The following KLF12 variants were observed in gnomAD, a reference collection of about 807,000 sequenced individuals.
KLF12 encodes KLF transcription factor 12.
KLF12 carries 9 observed loss-of-function variants against 37.8 expected under a neutral mutation model. The ratio of observed to expected loss-of-function variants is 0.24; its 90% CI spans 0.14 to 0.42. The LOEUF (loss-of-function observed/expected upper bound fraction) is 0.42, where lower values mean the gene tolerates loss of function less well. Among genes scored for constraint, KLF12 ranks in the 10% least tolerant of loss-of-function variants. The probability of loss-of-function intolerance (pLI) is 1.00; values close to 1 mark genes in which losing one functional copy is unlikely to be tolerated. For synonymous variants in KLF12, 208 were observed against 202.1 expected (o/e 1.03, Z -0.25); for missense variants, 411 against 516.0 (o/e 0.80, Z 1.97).
At chr13:73,835,299 CGT>C (rs1280580618) in intron 4 of KLF12, among the ~76,000 whole-genome samples, 2 of 152,036 alleles carry the variant, frequency 1.3e-5, no homozygotes, top group African/African-American at 2.4e-5. Flanking sequence ...CTAGAGTTCT[CGT>C]GTCTTTCAGT....
the KLF12 span, among the ~76,000 whole-genome samples, chr13:74,226,039 A>T: frequency 6.6e-6 from 1 of 152,150 alleles, no homozygotes; most frequent in South Asian, 2.1e-4. Context: ...CAGGAGTTTG[A>T]GTTTTGTTTT....
chr13:74,200,142 A>G, the KLF12 span, among the ~76,000 whole-genome samples: 29 of 151,978 alleles, frequency 1.9e-4, no homozygotes, highest in African/African-American at 6.5e-4. Flanking sequence ...GAAGGGAGCT[A>G]GAGAGGAATG....
the KLF12 span, among the ~76,000 whole-genome samples, chr13:74,179,733 GA>G: frequency 6.6e-6 from 1 of 152,198 alleles, no homozygotes; most frequent in African/African-American, 2.4e-5. Flanking sequence ...CAGGTGGCTA[GA>G]AAACCGACAG....
At chr13:73,849,842 T>C (rs1227474278) in intron 3 of KLF12, among the ~76,000 whole-genome samples, 1 of 152,210 alleles carries the variant, frequency 6.6e-6, no homozygotes, top group African/African-American at 2.4e-5. Context: ...GATCTTTGCC[T>C]GGGAGTGGTG....
rs1486177532 is a variant in KLF12, at chr13:73,694,234, C to T, written c.*1256G>A. ...GACCCATTAACCGAAGAGTTAATTC[C>T]CGGCTATGCCTCCCTTGCCTTTCTA... On this transcript the variant is annotated 3_prime_UTR_variant, in exon 8 of 8. Coordinates refer to ENST00000377669, the MANE Select transcript of KLF12 (RefSeq NM_007249.5). 6.6e-6 allele frequency: 1 copy of T among 152,540 alleles called. No individual in the cohort carries two copies. Among genetic ancestry groups the T allele is most frequent in the African/African-American group, 2.4e-5 (1 of 41,418 alleles). The allele number at this position is 152,540 out of a possible 1,614,324, so 9.4% of individuals were successfully genotyped here.
chr13:74,011,138 T>C (rs904905807), intron 1 of KLF12, among the ~76,000 whole-genome samples: 2 of 150,802 alleles, frequency 1.3e-5, no homozygotes, highest in Admixed American at 1.3e-4. Context: ...ATTCATTCAC[T>C]GAATCAACAA....
chr13:73,844,340 T>A (rs1884905004), intron 4 of KLF12, among the ~76,000 whole-genome samples: 1 of 152,196 alleles, frequency 6.6e-6, no homozygotes, highest in African/African-American at 2.4e-5. Context: ...ATCAGAAGTG[T>A]CAGCAATATC....
intron 7 of KLF12, among the ~76,000 whole-genome samples, chr13:73,696,956 T>G (rs951789761): frequency 7.2e-5 from 11 of 152,148 alleles, no homozygotes. Context: ...CCATGAAGAT[T>G]TCGTTTAGAC....
chr13:74,067,217 G>A (rs1873968931), intron 1 of KLF12, among the ~76,000 whole-genome samples: 1 of 151,474 alleles, frequency 6.6e-6, no homozygotes, highest in African/African-American at 2.4e-5. Flanking sequence ...TGAAAATGAA[G>A]TGAGATTTTC....
At chr13:74,212,265 A>G in the KLF12 span, among the ~76,000 whole-genome samples, 1 of 152,208 alleles carries the variant, frequency 6.6e-6, no homozygotes, top group African/African-American at 2.4e-5. Context: ...ATTTAATTAT[A>G]TCATTAAAAC....
the KLF12 span, among the ~76,000 whole-genome samples, chr13:74,292,025 C>T: frequency 1.3e-5 from 2 of 152,166 alleles, no homozygotes; most frequent in African/African-American, 4.8e-5. Flanking sequence ...ACGAGATGCT[C>T]ACTGTGTTAA....
At chr13:74,028,720 A>T (rs1040430207) in intron 1 of KLF12, among the ~76,000 whole-genome samples, 1 of 152,064 alleles carries the variant, frequency 6.6e-6, no homozygotes, top group African/African-American at 2.4e-5. Context: ...TTACATTAGT[A>T]AGATTTTATA....
the KLF12 span, among the ~76,000 whole-genome samples, chr13:74,292,174 A>G: frequency 1.3e-5 from 2 of 152,206 alleles, no homozygotes; most frequent in African/African-American, 4.8e-5. Context: ...AACAAAGTGC[A>G]TGTGAATTTT....
intron 1 of KLF12, among the ~76,000 whole-genome samples, chr13:74,117,084 T>TA (rs892734350): frequency 6.6e-6 from 1 of 152,202 alleles, no homozygotes; most frequent in African/African-American, 2.4e-5. Context: ...ATCAGTTTAT[T>TA]AAAAAAATAA....
At chr13:74,083,171 T>C (rs1334227967) in intron 1 of KLF12, among the ~76,000 whole-genome samples, 2 of 152,178 alleles carry the variant, frequency 1.3e-5, no homozygotes, top group African/African-American at 2.4e-5. Flanking sequence ...ATCTGTCTTA[T>C]AAGGAGTAAT....
chr13:73,989,402 G>A (rs545945315), intron 2 of KLF12, among the ~76,000 whole-genome samples: 1 of 152,310 alleles, frequency 6.6e-6, no homozygotes, highest in East Asian at 1.9e-4. Flanking sequence ...CAGACTAAGT[G>A]AATACAGATC....
chr13:74,112,281 T>C (rs1444316941), intron 1 of KLF12, among the ~76,000 whole-genome samples: 1 of 151,884 alleles, frequency 6.6e-6, no homozygotes, highest in Non-Finnish European at 1.5e-5. Context: ...AATATTACTG[T>C]CTGGCCCTTA....
At chr13:73,789,050 G>A (rs1235537717) in intron 5 of KLF12, among the ~76,000 whole-genome samples, 3 of 152,276 alleles carry the variant, frequency 2.0e-5, no homozygotes, top group Non-Finnish European at 2.9e-5. Flanking sequence ...TAAAACTACT[G>A]AGAATGACTT....
the KLF12 span, among the ~76,000 whole-genome samples, chr13:74,170,040 A>C: frequency 6.6e-6 from 1 of 152,140 alleles, no homozygotes; most frequent in African/African-American, 2.4e-5. Context: ...CTTTGCCTTC[A>C]TCCTTATACA....
Sources: gnomAD v4.1 joint callset for allele counts (sites outside exome capture counted in the v4.1 genomes callset) on GRCh38, gnomAD v4.1.1 for gene constraint, MANE v1.5 for transcripts, NCBI Gene and HGNC (gene_info 2026-07-23, HGNC 2026-07-21) for gene names.